SPON1: variants seen among roughly 807,000 people sequenced by gnomAD.
SPON1 encodes the protein spondin 1, also known as spondin-1.
SPON1 carries 52 observed loss-of-function variants against 111.7 expected under a neutral mutation model. The observed-to-expected ratio is 0.47, with a 90% confidence interval of 0.37 to 0.59. The LOEUF (loss-of-function observed/expected upper bound fraction) is 0.59, where lower values mean the gene tolerates loss of function less well. SPON1 is among the 20% of genes least tolerant of loss of function. The probability of loss-of-function intolerance (pLI) is 0.00; values close to 1 mark genes in which losing one functional copy is unlikely to be tolerated. For synonymous variants in SPON1, 410 were observed against 395.8 expected (o/e 1.04, Z -0.43); for missense variants, 957 against 1,068.5 (o/e 0.90, Z 1.46).
intron 7 of SPON1, among the ~76,000 whole-genome samples, chr11:14,249,430 G>T (rs1312763369): frequency 6.6e-6 from 1 of 152,200 alleles, no homozygotes; most frequent in African/African-American, 2.4e-5. Flanking sequence ...GATGCCTCCT[G>T]GTTATAAACA....
chr11:14,177,852 C>T (rs1848194501), intron 6 of SPON1, among the ~76,000 whole-genome samples: 1 of 152,178 alleles, frequency 6.6e-6, no homozygotes, highest in African/African-American at 2.4e-5. Flanking sequence ...AAGATGGAGT[C>T]AGTTAAGTTA....
chr11:14,071,855 C>T (rs914425992), intron 3 of SPON1, among the ~76,000 whole-genome samples: 10 of 152,016 alleles, frequency 6.6e-5, no homozygotes, highest in African/African-American at 1.7e-4. Flanking sequence ...TGGGCCACCT[C>T]GCCCGGCTAA....
At chr11:14,198,287 A>C (rs1554935271) in intron 6 of SPON1, among the ~76,000 whole-genome samples, 1 of 152,210 alleles carries the variant, frequency 6.6e-6, no homozygotes, top group East Asian at 1.9e-4. Context: ...ACTAAGCCAG[A>C]CCAAAGGAAG....
chr11:13,990,983 TTCTC>T (rs1426740671), intron 2 of SPON1, among the ~76,000 whole-genome samples: 19 of 152,306 alleles, frequency 1.2e-4, no homozygotes, highest in African/African-American at 4.6e-4. Context: ...AACATGACCT[TTCTC>T]TCTGGCTGCC....
intron 6 of SPON1, among the ~76,000 whole-genome samples, chr11:14,211,148 A>T (rs930588414): frequency 1.2e-4 from 19 of 152,260 alleles, no homozygotes; most frequent in Non-Finnish European, 2.1e-4. Flanking sequence ...GGCAAGAGAA[A>T]GAAATAAAGG....
In SPON1 at chr11:14,265,650, A is replaced by G; in HGVS notation, c.2387A>G (p.Lys796Arg). ...KSSQFTSCKDKKEIRACNVHP... is the reference protein window; with the variant it reads ...KSSQFTSCKDRKEIRACNVHP... Reference sequence around the variant, plus strand: ...TCCCAGTTTACCAGCTGCAAAGACAAGAAGGAGATCAGAGCATGCAATGTT... The same window carrying G: ...TCCCAGTTTACCAGCTGCAAAGACAGGAAGGAGATCAGAGCATGCAATGTT... Residue 796 changes from lysine (K) to arginine (R), a missense_variant, in exon 16 of 16, where the codon AAG (lysine) becomes AGG (arginine). By Grantham distance (26) the Lys-to-Arg change is conservative. This residue lies in a region of SPON1 where 549 missense variants were observed against 606.2 expected (regional missense o/e 0.91). Coordinates refer to ENST00000576479, the MANE Select transcript of SPON1 (RefSeq NM_006108.4). 1 of 1,613,770 alleles carries G rather than the reference A, an allele frequency of 6.2e-7. No homozygotes were observed. Among genetic ancestry groups the G allele is most frequent in the South Asian group, 1.1e-5 (1 of 90,956 alleles).
intron 14 of SPON1, chr11:14,262,355 T>C (rs1464807805): frequency 4.1e-6 from 1 of 242,346 alleles, no homozygotes; most frequent in Non-Finnish European, 8.2e-6. Flanking sequence ...ATATCACCAG[T>C]GAGTTTGGGA....
At chr11:14,249,859 T>C (rs1225615288) in intron 7 of SPON1, among the ~76,000 whole-genome samples, 3 of 152,216 alleles carry the variant, frequency 2.0e-5, no homozygotes, top group Non-Finnish European at 2.9e-5. Context: ...ATGCTCCCAT[T>C]TGGCAGATGT....
chr11:14,039,119 C>T (rs534261884), intron 2 of SPON1, among the ~76,000 whole-genome samples: 1 of 152,150 alleles, frequency 6.6e-6, no homozygotes, highest in East Asian at 1.9e-4. Context: ...TGTATGATTC[C>T]AATTCTATGA....
chr11:14,103,036 G>A (rs1222923782), intron 5 of SPON1, among the ~76,000 whole-genome samples: 1 of 152,120 alleles, frequency 6.6e-6, no homozygotes, highest in African/African-American at 2.4e-5. Context: ...TTTCTGTGGT[G>A]ATATAAATGT....
At chr11:14,006,000 T>C (rs1554913072) in intron 2 of SPON1, among the ~76,000 whole-genome samples, 1 of 152,176 alleles carries the variant, frequency 6.6e-6, no homozygotes, top group African/African-American at 2.4e-5. Context: ...TAACATGATG[T>C]CTAACATACC....
At chr11:14,229,074 G>A (rs1326505274) in intron 6 of SPON1, among the ~76,000 whole-genome samples, 6 of 152,194 alleles carry the variant, frequency 3.9e-5, no homozygotes, top group Admixed American at 3.9e-4. Context: ...TGATATCTCC[G>A]TGGTGTGACA....
chr11:14,101,175 G>C (rs1055004919), intron 5 of SPON1, among the ~76,000 whole-genome samples: 2 of 152,002 alleles, frequency 1.3e-5, no homozygotes, highest in Non-Finnish European at 2.9e-5. Context: ...TGAGGTGGGC[G>C]GATCACCCAA....
intron 5 of SPON1, among the ~76,000 whole-genome samples, chr11:14,109,073 C>T (rs1251153435): frequency 2.0e-5 from 3 of 152,150 alleles, no homozygotes; most frequent in Admixed American, 6.5e-5. Context: ...CAGCCTAAAC[C>T]ATCACTTCTT....
At position 14,259,987 on chromosome 11, in the gene SPON1, T is replaced by C. The variant is rs1849154445; in HGVS notation, c.1831+286T>C. 6.6e-6 allele frequency among the ~76,000 whole-genome samples: 1 copy of C among 152,096 alleles called. No individual in the cohort carries two copies. The highest frequency in any genetic ancestry group is 1.5e-5 in the Non-Finnish European group (1 of 68,006). ...CCTGCAGCTGTGTTTTATAGGAGTGTCTTTCTTGCAGTGGTGGGGAGGAGG... is the reference window on the plus strand; with the variant it reads ...CCTGCAGCTGTGTTTTATAGGAGTGCCTTTCTTGCAGTGGTGGGGAGGAGG... On this transcript the variant is annotated intron_variant, in intron 13 of 15. Transcript: ENST00000576479. The surrounding 1 kb of genome is among the most constrained non-coding windows in gnomAD (Gnocchi z 5.0).
chr11:14,018,570 G>A (rs111680724), intron 2 of SPON1, among the ~76,000 whole-genome samples: 3 of 152,286 alleles, frequency 2.0e-5, no homozygotes, highest in African/African-American at 7.2e-5. Flanking sequence ...GAGTTGACAT[G>A]GATGAGAAAA....
chr11:14,150,647 A>C (rs1338071908), intron 6 of SPON1, among the ~76,000 whole-genome samples: 3 of 152,220 alleles, frequency 2.0e-5, no homozygotes, highest in Non-Finnish European at 4.4e-5. Flanking sequence ...AAAAAGACCC[A>C]TGGTGAGCGT....
intron 6 of SPON1, among the ~76,000 whole-genome samples, chr11:14,160,983 T>C (rs797042723): frequency 1.1e-4 from 3 of 28,180 alleles, no homozygotes; most frequent in African/African-American, 4.5e-4. Context: ...TTTTATATAT[T>C]TATATATATT....
chr11:14,002,868 T>C (rs1848330087), intron 2 of SPON1, among the ~76,000 whole-genome samples: 1 of 152,050 alleles, frequency 6.6e-6, no homozygotes. Flanking sequence ...CTACCTATAA[T>C]TTTTTTAAAA....
Sources: gnomAD v4.1 joint callset for allele counts (sites outside exome capture counted in the v4.1 genomes callset) on GRCh38, gnomAD v4.1.1 for gene constraint, gnomAD v4.1.1 regional missense constraint, Gnocchi (gnomAD v3.1) non-coding constraint, MANE v1.5 for transcripts, NCBI Gene and HGNC (gene_info 2026-07-23, HGNC 2026-07-21) for gene names.